The following XKR6 variants were observed in gnomAD, a reference collection of about 807,000 sequenced individuals.
The protein encoded by XKR6 is XK-related protein 6.
Under a neutral mutation model 56.7 loss-of-function variants are expected in XKR6, and 22 were observed. The observed-to-expected ratio is 0.39, with a 90% CI of 0.28 to 0.55. The LOEUF is 0.55. Among genes scored for constraint, XKR6 ranks in the 20% least tolerant of loss-of-function variants. The pLI is 0.66. For missense variants in XKR6, 852 were observed against 889.0 expected (o/e 0.96, Z 0.53); for synonymous variants, 524 against 387.8 (o/e 1.35, Z -4.13).
intron 1 of XKR6, among the ~76,000 whole-genome samples, chr8:11,021,446 G>C (rs373239407): frequency 6.6e-6 from 1 of 152,190 alleles, no homozygotes; most frequent in African/African-American, 2.4e-5. Flanking sequence ...ACACTGCCTT[G>C]TTTAAGCAAT....
At chr8:11,152,843 G>C (rs946761181) in intron 1 of XKR6, among the ~76,000 whole-genome samples, 3 of 152,160 alleles carry the variant, frequency 2.0e-5, no homozygotes, top group Non-Finnish European at 2.9e-5. Flanking sequence ...ATGATGAGAA[G>C]TTTCCTATGC....
At chr8:11,196,113 G>A (rs965797171) in intron 1 of XKR6, among the ~76,000 whole-genome samples, 2 of 152,002 alleles carry the variant, frequency 1.3e-5, no homozygotes, top group Admixed American at 1.3e-4. Flanking sequence ...CCACACAAAC[G>A]AATCTCCTCA....
intron 1 of XKR6, among the ~76,000 whole-genome samples, chr8:11,052,791 G>C (rs928070816): frequency 6.6e-6 from 1 of 151,486 alleles, no homozygotes; most frequent in Non-Finnish European, 1.5e-5. Context: ...GGAAAGCTTG[G>C]GGACCTCTAG....
chr8:10,917,403 C>A (rs1326964650), intron 2 of XKR6, among the ~76,000 whole-genome samples: 1 of 152,206 alleles, frequency 6.6e-6, no homozygotes, highest in Non-Finnish European at 1.5e-5. Context: ...TGGAGTGGGA[C>A]CGTGCGACTT....
chr8:11,134,929 A>G (rs1314365381), intron 1 of XKR6, among the ~76,000 whole-genome samples: 1 of 152,088 alleles, frequency 6.6e-6, no homozygotes, highest in African/African-American at 2.4e-5. Flanking sequence ...ATACAGAAAG[A>G]TATTTCCATT....
chr8:11,188,666 T>C (rs1485456019), intron 1 of XKR6, among the ~76,000 whole-genome samples: 1 of 152,192 alleles, frequency 6.6e-6, no homozygotes, highest in African/African-American at 2.4e-5. Context: ...ATTTATTAAC[T>C]CTTCTGTTGA....
intron 1 of XKR6, among the ~76,000 whole-genome samples, chr8:11,199,670 T>C (rs1439907021): frequency 2.0e-5 from 3 of 152,180 alleles, no homozygotes; most frequent in Non-Finnish European, 4.4e-5. Context: ...GTTTAGCCAG[T>C]GAGGCAGTCA....
intron 1 of XKR6, among the ~76,000 whole-genome samples, chr8:11,044,061 C>G (rs1417354748): frequency 6.6e-6 from 1 of 152,198 alleles, no homozygotes; most frequent in Non-Finnish European, 1.5e-5. Flanking sequence ...TAACCGAACC[C>G]CTGTTCCACC....
intron 1 of XKR6, chr8:11,124,681 A>T (rs1225819021): frequency 6.5e-6 from 1 of 152,934 alleles, no homozygotes; most frequent in Non-Finnish European, 1.5e-5. Context: ...GAGGCACAGG[A>T]AGCCAACAAG....
At chr8:11,009,663 A>G (rs750135223) in intron 1 of XKR6, among the ~76,000 whole-genome samples, 3 of 152,214 alleles carry the variant, frequency 2.0e-5, no homozygotes, top group African/African-American at 4.8e-5. Flanking sequence ...CAAAAACAAG[A>G]AAAGTCTGAG....
intron 1 of XKR6, among the ~76,000 whole-genome samples, chr8:10,991,880 T>A (rs1279469554): frequency 1.3e-5 from 2 of 152,174 alleles, no homozygotes; most frequent in Non-Finnish European, 2.9e-5. Context: ...TGCTTCCAAA[T>A]ACAGGAAATG....
Position 11,005,367 on chromosome 8 carries a change from G to T in XKR6, c.765-80537C>A, listed in dbSNP as rs112055638. Among the ~76,000 whole-genome samples the T allele has an allele frequency of 6.8e-3, 951 of 140,308 alleles. 10 individuals carry two copies. The highest frequency in any genetic ancestry group is 0.028 in the African/African-American group (914 of 32,960). 92.0% of individuals were successfully genotyped at this position (140,308 alleles called of 152,430 possible). ...ATAAGAAGTGACTGTAGTAGATATA[G>T]ATATATATATATATACATATCTCCA... On this transcript the variant is annotated intron_variant, in intron 1 of 2. Coordinates refer to ENST00000416569, the MANE Select transcript of XKR6 (RefSeq NM_173683.4).
chr8:11,189,195 T>C (rs1585036145), intron 1 of XKR6, among the ~76,000 whole-genome samples: 1 of 152,336 alleles, frequency 6.6e-6, no homozygotes, highest in South Asian at 2.1e-4. Flanking sequence ...AAATATAACA[T>C]TTCTGAATTT....
chr8:10,952,232 C>T (rs79490922), intron 1 of XKR6, among the ~76,000 whole-genome samples: 3,186 of 152,234 alleles, frequency 0.021, 57 homozygotes, highest in Middle Eastern at 0.037. Context: ...CGTGACGTTC[C>T]CGCTCTGAAG....
chr8:11,182,546 T>C (rs1803046279), intron 1 of XKR6, among the ~76,000 whole-genome samples: 1 of 152,220 alleles, frequency 6.6e-6, no homozygotes, highest in African/African-American at 2.4e-5. Flanking sequence ...TGAAGTCAGA[T>C]GGGTCACCTG....
chr8:11,164,619 T>G (rs1162667602), intron 1 of XKR6, among the ~76,000 whole-genome samples: 1 of 152,152 alleles, frequency 6.6e-6, no homozygotes, highest in Non-Finnish European at 1.5e-5. Context: ...ACACAATCAA[T>G]AAACAAACAC....
At chr8:11,089,570 G>C (rs544902821) in intron 1 of XKR6, among the ~76,000 whole-genome samples, 2 of 152,158 alleles carry the variant, frequency 1.3e-5, no homozygotes, top group Non-Finnish European at 2.9e-5. Context: ...CTAGGAGCTC[G>C]AGGCTGCAGT....
At chr8:10,986,088 A>G (rs993539678) in intron 1 of XKR6, among the ~76,000 whole-genome samples, 1 of 152,270 alleles carries the variant, frequency 6.6e-6, no homozygotes, top group Non-Finnish European at 1.5e-5. Flanking sequence ...AAAGATGTAG[A>G]CAGATCTACT....
chr8:11,113,437 A>G (rs966377662), intron 1 of XKR6, among the ~76,000 whole-genome samples: 1 of 152,258 alleles, frequency 6.6e-6, no homozygotes, highest in Non-Finnish European at 1.5e-5. Context: ...ATTATCTTCA[A>G]CCAAAAAATA....
Sources: gnomAD v4.1 joint callset for allele counts (sites outside exome capture counted in the v4.1 genomes callset) on GRCh38, gnomAD v4.1.1 for gene constraint, MANE v1.5 for transcripts, NCBI Gene and HGNC (gene_info 2026-07-23, HGNC 2026-07-21) for gene names.